FAM90A1: variants seen among roughly 807,000 people sequenced by gnomAD.
FAM90A1 encodes the protein family with sequence similarity 90 member A1.
A neutral mutation model predicts 14.8 loss-of-function variants in FAM90A1; 10 were observed. The observed-to-expected ratio is 0.67, with a 90% CI of 0.42 to 1.14. The LOEUF (loss-of-function observed/expected upper bound fraction) is 1.14, where lower values mean the gene tolerates loss of function less well. Ranked by LOEUF, FAM90A1 falls within the 50% of genes most tolerant of loss-of-function variation. The pLI, the probability that FAM90A1 is intolerant of heterozygous loss-of-function variation, is 0.00. For synonymous variants in FAM90A1, 236 were observed against 248.4 expected (o/e 0.95, Z 0.47); for missense variants, 567 against 602.8 (o/e 0.94, Z 0.62).
Position 8,224,730 on chromosome 12 carries a change from G to T in FAM90A1, c.103C>A (p.Pro35Thr), listed in dbSNP as rs773806201. The T allele has an allele frequency of 1.5e-5, 23 of 1,584,376 alleles. No homozygotes were observed. Among genetic ancestry groups the T allele is most frequent in the Middle Eastern group, 4.5e-4 (2 of 4,406 alleles). Residue 35 changes from proline (P) to threonine (T), a missense_variant, in exon 4 of 7, where the codon CCC (proline) becomes ACC (threonine). Coordinates refer to ENST00000538603, the MANE Select transcript of FAM90A1 (RefSeq NM_018088.3). ...RAPVGPRAPP[P>T]DEEDPRLKCK... The stretch of plus-strand genomic sequence containing the variant: ...CTTACCCTGGGATCTTCTTCATCGG[G>T]CGGGGGAGCCCTTGGCCCAACTGGG...
rs745465693 is a variant in FAM90A1, at chr12:8,222,684, G to C, written c.533C>G (p.Ser178Cys). Residue 178 changes from serine (S) to cysteine (C), a missense_variant, in exon 7 of 7, where the codon TCC (serine) becomes TGC (cysteine). Transcript: ENST00000538603. ...GAGGGGAGACAGTGAAGCTAAGACG[G>C]AGCCCCTGTCAGACATTTCGGTAGC... ...RSATEMSDRG[S>C]VLASLSPLRK... 6.8e-6 allele frequency: 11 copies of C among 1,609,742 alleles called. No homozygotes were observed. The Admixed American group carries it at 1.7e-4, about 24-fold the overall frequency.
chr12:8,224,996 C>T (rs1388665105), intron 3 of FAM90A1, 108 bp from the exon 4 acceptor site: 1 of 774,592 alleles, frequency 1.3e-6, no homozygotes, highest in Non-Finnish European at 2.1e-6. Flanking sequence ...ATGAGGAGAC[C>T]TCACCACCAG....
At position 8,222,763 on chromosome 12, in the gene FAM90A1, C is replaced by G. The variant is rs780675590; in HGVS notation, c.454G>C (p.Val152Leu). The change falls in exon 7 of 7, where the codon GTC (valine) becomes CTC (leucine). Residue 152 changes from valine to leucine, a missense_variant. By Grantham distance (32) the Val-to-Leu change is conservative. Coordinates refer to ENST00000538603, the MANE Select transcript of FAM90A1 (RefSeq NM_018088.3). ...YLRVASGPMP[V>L]HTTSKRPRVD... Reference sequence around the variant, plus strand: ...CGCGGCCTCTTACTGGTTGTGTGGACCGGCATTGGCCCGCTTGCAACCTGA... The same window carrying G: ...CGCGGCCTCTTACTGGTTGTGTGGAGCGGCATTGGCCCGCTTGCAACCTGA... 6.2e-7 allele frequency: 1 copy of G among 1,600,182 alleles called. No individual in the cohort carries two copies. Among genetic ancestry groups the G allele is most frequent in the East Asian group, 2.2e-5 (1 of 44,868 alleles).
chr12:8,223,538 T>C lies in FAM90A1; in HGVS notation c.343A>G (p.Lys115Glu), dbSNP rs571463339. 2.3e-5 allele frequency: 36 copies of C among 1,585,886 alleles called. 1 individual carries two copies. In the South Asian group the frequency reaches 3.8e-4, roughly 17 times the overall value. Residue 115 changes from lysine (K) to glutamate (E), a missense_variant, in exon 6 of 7, where the codon AAG (lysine) becomes GAG (glutamate). Physicochemically the swap from Lys to Glu is moderately conservative, Grantham distance 56. Coordinates refer to ENST00000538603, the MANE Select transcript of FAM90A1 (RefSeq NM_018088.3). Reference protein sequence around the residue: ...ERPRPQDPQRKALLHIFSRKP... With the variant: ...ERPRPQDPQREALLHIFSRKP... ...CTGGAAAATATGTGGAGGAGAGCCT[T>C]CCTCTGCGGGTCTTGTGGCCTGCAG...
In FAM90A1 at chr12:8,221,591, G is replaced by A. The variant is rs1404947461; in HGVS notation, c.*231C>T. The A allele has an allele frequency of 2.2e-5, 13 of 594,380 alleles. No individual in the cohort carries two copies. Among genetic ancestry groups the A allele is most frequent in the South Asian group, 1.8e-4 (9 of 49,890 alleles). The allele number at this position is 594,380 out of a possible 1,614,324, so 36.8% of individuals were successfully genotyped here. On this transcript the variant is annotated 3_prime_UTR_variant, in exon 7 of 7. Coordinates refer to ENST00000538603, the MANE Select transcript of FAM90A1 (RefSeq NM_018088.3). Reference sequence around the variant, plus strand: ...CACTGGCACGGAAGCTTTTCCTGGCGCGTTTCCAGAGAACCATGCGAACTA... The same window carrying A: ...CACTGGCACGGAAGCTTTTCCTGGCACGTTTCCAGAGAACCATGCGAACTA...
chr12:8,223,671 G>A, intron 5 of FAM90A1, 114 bp from the exon 6 acceptor site: 1 of 746,670 alleles, frequency 1.3e-6, no homozygotes, highest in Non-Finnish European at 2.4e-6. Flanking sequence ...ATGGACATCT[G>A]GTGCCCTTTC....
chr12:8,226,877 C>T (rs1361036454), intron 1 of FAM90A1, among the ~76,000 whole-genome samples: 1 of 137,484 alleles, frequency 7.3e-6, no homozygotes, highest in African/African-American at 2.8e-5. Flanking sequence ...GTGATCTCAG[C>T]TCACTGCAAC....
In FAM90A1 at chr12:8,226,802, C is replaced by CTTTTTTTTTTTTTTTTTT. The variant is rs71042351; in HGVS notation, c.-420-342_-420-325dup. On this transcript the variant is annotated intron_variant, in intron 1 of 6. Coordinates refer to ENST00000538603, the MANE Select transcript of FAM90A1 (RefSeq NM_018088.3). ...TTTTTTCTTGTTTCTTCATTGATGT[C>CTTTTTTTTTTTTTTTTTT]TTTTTTTTTTTTTTTTTTTTTTTTT... Among the ~76,000 whole-genome samples, 22 of 79,804 alleles carry CTTTTTTTTTTTTTTTTTT rather than the reference C, an allele frequency of 2.8e-4. 1 individual carries two copies. The highest frequency in any genetic ancestry group is 9.9e-4 in the African/African-American group (17 of 17,162). 52.4% of individuals were successfully genotyped at this position (79,804 alleles called of 152,430 possible).
At chr12:8,223,843 C>T (rs751627196) in intron 5 of FAM90A1, among the ~76,000 whole-genome samples, 173 bp downstream of exon 5, 6 of 152,328 alleles carry the variant, frequency 3.9e-5, no homozygotes, top group African/African-American at 1.4e-4. Context: ...TCTCCCAGAG[C>T]CAAAGGAGCT....
Position 8,222,358 on chromosome 12 carries a change from C to G in FAM90A1, c.859G>C (p.Gly287Arg), listed in dbSNP as rs202000177. Residue 287 changes from glycine (G) to arginine (R), a missense_variant, in exon 7 of 7, where the codon GGG (glycine) becomes CGG (arginine). Gly to Arg is a moderately radical substitution (Grantham distance 125). Coordinates refer to ENST00000538603, the MANE Select transcript of FAM90A1 (RefSeq NM_018088.3). ...SLGLGSNLSF[G>R]PGAKRSAPAP... ...GGGGCAGATCTCTTGGCTCCTGGCCCGAAGCTGAGATTGGAGCCTAGGCCC... is the reference window on the plus strand; with the variant it reads ...GGGGCAGATCTCTTGGCTCCTGGCCGGAAGCTGAGATTGGAGCCTAGGCCC... The G allele has an allele frequency of 1.6e-4, 251 of 1,611,690 alleles. No homozygotes were observed. The highest frequency in any genetic ancestry group is 1.9e-4 in the Non-Finnish European group (222 of 1,179,890).
chr12:8,225,902 G>T lies in FAM90A1; in HGVS notation c.-123C>A, dbSNP rs200480962. 7.0e-6 allele frequency: 1 copy of T among 142,494 alleles called. No homozygotes were observed. The highest frequency in any genetic ancestry group is 2.6e-5 in the African/African-American group (1 of 38,274). The allele number at this position is 142,494 out of a possible 1,614,324, so 8.8% of individuals were successfully genotyped here. A position where few individuals can be genotyped will look rare whatever the true frequency, so the allele number is the denominator to read the frequency against. ...GATGGGCAGGTGCTGGAGCAGCCCCGCTGGAAGCGATGCAGCATCCAGGAA... is the reference window on the plus strand; with the variant it reads ...GATGGGCAGGTGCTGGAGCAGCCCCTCTGGAAGCGATGCAGCATCCAGGAA... On this transcript the variant is annotated 5_prime_UTR_variant, in exon 3 of 7. Transcript: ENST00000538603.
Position 8,221,339 on chromosome 12 carries a change from G to C in FAM90A1, c.*483C>G, listed in dbSNP as rs763688358. 4.9e-6 allele frequency: 1 copy of C among 202,638 alleles called. No homozygotes were observed. The highest frequency in any genetic ancestry group is 1.2e-4 in the East Asian group (1 of 8,286). 12.6% of individuals were successfully genotyped at this position (202,638 alleles called of 1,614,324 possible). ...AAAGGGATTCCAGAGCCCACTTTTC[G>C]AGGCTGAGGAAAGACCCCGAGAGCG... On this transcript the variant is annotated 3_prime_UTR_variant, in exon 7 of 7. Transcript: ENST00000538603.
In FAM90A1 at chr12:8,221,888, T is replaced by C. The variant is rs772370997; in HGVS notation, c.1329A>G (p.Pro443=). 564 of 1,596,368 alleles carry C rather than the reference T, an allele frequency of 3.5e-4. No individual in the cohort carries two copies. The highest frequency in any genetic ancestry group is 2.9e-3 in the Middle Eastern group (13 of 4,426). The stretch of plus-strand genomic sequence containing the variant: ...CCTGAAGGTCCTCATAGAGGACGCT[T>C]GGTGGGACACGAACACAGGGACCCT... ...KSEGPCVRVP[P]SVLYEDLQVP... Residue 443 remains proline (P), a synonymous_variant, in exon 7 of 7, where the codon CCA becomes CCG. Coordinates refer to ENST00000538603, the MANE Select transcript of FAM90A1 (RefSeq NM_018088.3).
At position 8,222,004 on chromosome 12, in the gene FAM90A1, T is replaced by C. The variant is rs1591636952; in HGVS notation, c.1213A>G (p.Ser405Gly). 2 of 1,598,906 alleles carry C rather than the reference T, an allele frequency of 1.3e-6. No homozygotes were observed. Among genetic ancestry groups the C allele is most frequent in the South Asian group, 1.1e-5 (1 of 90,992 alleles). ...GAGGGGGCCGTCAGCAGGCTGGAGC[T>C]CCAGCGTCCGTTTTCCAGTCTCCGA... ...LFRRLENGRW[S>G]SSLLTAPSFH... The change falls in exon 7 of 7, where the codon AGC becomes GGC. Residue 405 changes from serine to glycine, a missense_variant. Ser to Gly is a moderately conservative substitution (Grantham distance 56, BLOSUM62 0). Coordinates refer to ENST00000538603, the MANE Select transcript of FAM90A1 (RefSeq NM_018088.3).
Position 8,224,745 on chromosome 12 carries a change from G to A in FAM90A1, c.88C>T (p.Pro30Ser), listed in dbSNP as rs1435112315. The A allele has an allele frequency of 1.3e-6, 2 of 1,594,070 alleles. No individual in the cohort carries two copies. The highest frequency in any genetic ancestry group is 2.2e-5 in the South Asian group (2 of 90,150). The change falls in exon 4 of 7, where the codon CCA (proline) becomes TCA (serine). Residue 30 changes from proline (P) to serine (S), a missense_variant. Transcript: ENST00000538603. ...LQKQRRAPVG[P>S]RAPPPDEEDP... Reference sequence around the variant, plus strand: ...TCTTCATCGGGCGGGGGAGCCCTTGGCCCAACTGGGGCCCTCCGCTGCTTC... The same window carrying A: ...TCTTCATCGGGCGGGGGAGCCCTTGACCCAACTGGGGCCCTCCGCTGCTTC...
chr12:8,221,708 G>T lies in FAM90A1; in HGVS notation c.*114C>A. 3 of 1,222,216 alleles carry T rather than the reference G, an allele frequency of 2.5e-6. No individual in the cohort carries two copies. Among genetic ancestry groups the T allele is most frequent in the Non-Finnish European group, 3.5e-6 (3 of 862,406 alleles). 75.7% of individuals were successfully genotyped at this position (1,222,216 alleles called of 1,614,324 possible). A position where few individuals can be genotyped will look rare whatever the true frequency, so the allele number is the denominator to read the frequency against. On this transcript the variant is annotated 3_prime_UTR_variant, in exon 7 of 7. Coordinates refer to ENST00000538603, the MANE Select transcript of FAM90A1 (RefSeq NM_018088.3). ...CCACATCCACAGAAGGGCCACAGCC[G>T]GGGAGCTTCGGAGTCACCGCACAGA...
chr12:8,223,372 G>T (rs1591638295), intron 6 of FAM90A1, 77 bp downstream of exon 6: 1 of 870,890 alleles, frequency 1.1e-6, no homozygotes, highest in Non-Finnish European at 2.0e-6. Flanking sequence ...ATTCCCTCCC[G>T]CAGACGGGAA....
chr12:8,222,320 C>T lies in FAM90A1; in HGVS notation c.897G>A (p.Gln299=). 1 of 1,611,554 alleles carries T rather than the reference C, an allele frequency of 6.2e-7. No homozygotes were observed. Among genetic ancestry groups the T allele is most frequent in the South Asian group, 1.1e-5 (1 of 90,990 alleles). The change falls in exon 7 of 7, where the codon CAG becomes CAA. Residue 299 remains glutamine (Q), a synonymous_variant. Transcript: ENST00000538603. ...GTTTCTTGGGGAAGTTCAGGCAAGC[C>T]TGAATCGGAGCCGGGGCAGATCTCT... ...GAKRSAPAPI[Q]ACLNFPKKPR...
rs147617845 is a variant in FAM90A1, at chr12:8,221,736, C to G, written c.*86G>C. On this transcript the variant is annotated 3_prime_UTR_variant, in exon 7 of 7. Transcript: ENST00000538603. ...GAGCTTCGGAGTCACCGCACAGAGT[C>G]TGCTCTCTGCTCTGTGCTCCTCAGT... The G allele has an allele frequency of 1.4e-3, 2,005 of 1,421,388 alleles. 27 individuals are homozygous for G. In the African/African-American group the frequency reaches 0.022, roughly 16 times the overall value. The allele number at this position is 1,421,388 out of a possible 1,614,324, so 88.0% of individuals were successfully genotyped here.
Sources: allele counts gnomAD v4.1 joint callset (sites outside exome capture counted in the v4.1 genomes callset), GRCh38; gene constraint gnomAD v4.1.1; transcripts MANE v1.5; gene names NCBI Gene and HGNC (gene_info 2026-07-23, HGNC 2026-07-21).